NAA50: variants seen among roughly 807,000 people sequenced by gnomAD.
NAA50 encodes the protein N-alpha-acetyltransferase 50.
A neutral mutation model predicts 20.7 loss-of-function variants in NAA50; 7 were observed. The observed-to-expected ratio is 0.34, with a 90% CI of 0.19 to 0.63. The LOEUF is 0.63. Ranked by LOEUF, NAA50 falls within the 30% of genes least tolerant of loss-of-function variation. The pLI is 0.75. For missense variants in NAA50, 111 were observed against 199.1 expected (o/e 0.56, Z 2.66); for synonymous variants, 54 against 70.6 (o/e 0.77, Z 1.18).
At chr3:113,724,978 C>T (rs933242216) in intron 1 of NAA50, among the ~76,000 whole-genome samples, 3 of 152,204 alleles carry the variant, frequency 2.0e-5, no homozygotes, top group Non-Finnish European at 2.9e-5. Flanking sequence ...GTCAATTAAA[C>T]CTCTTTCCTT....
chr3:113,722,773 G>A (rs760294549), intron 4 of NAA50, 133 bp downstream of exon 4: 209 of 1,077,128 alleles, frequency 1.9e-4, no homozygotes, highest in Middle Eastern at 1.4e-3. Context: ...ACAACTACTC[G>A]AATACTTTGT....
At position 113,718,042 on chromosome 3, in the gene NAA50, T is replaced by A. The variant is rs1365108388; in HGVS notation, c.*3718A>T. The A allele has an allele frequency of 6.6e-6, 1 of 152,224 alleles. No homozygotes were observed. Among genetic ancestry groups the A allele is most frequent in the Admixed American group, 6.5e-5 (1 of 15,272 alleles). 9.4% of individuals were successfully genotyped at this position (152,224 alleles called of 1,614,324 possible). On this transcript the variant is annotated 3_prime_UTR_variant, in exon 5 of 5. Transcript: ENST00000240922. ...GTTGGTCTGTGTGACTCATGGAATA[T>A]GGCAGAAATAATGTCACCTGAGGCT...
In NAA50 at chr3:113,718,127, C is replaced by T. The variant is rs1708084517; in HGVS notation, c.*3633G>A. 1 of 152,218 alleles carries T rather than the reference C, an allele frequency of 6.6e-6. No individual in the cohort carries two copies. Among genetic ancestry groups the T allele is most frequent in the Admixed American group, 6.5e-5 (1 of 15,282 alleles). 9.4% of individuals were successfully genotyped at this position (152,218 alleles called of 1,614,324 possible). A position where few individuals can be genotyped will look rare whatever the true frequency, so the allele number is the denominator to read the frequency against. Reference sequence around the variant, plus strand: ...TTATATCACCTGCTCTAGGGGAAGCCACATACCAGTTGTCCACCAGGCAAC... The same window carrying T: ...TTATATCACCTGCTCTAGGGGAAGCTACATACCAGTTGTCCACCAGGCAAC... On this transcript the variant is annotated 3_prime_UTR_variant, in exon 5 of 5. Transcript: ENST00000240922.
intron 1 of NAA50, among the ~76,000 whole-genome samples, chr3:113,737,666 C>T (rs184522714): frequency 6.6e-6 from 1 of 152,348 alleles, no homozygotes; most frequent in East Asian, 1.9e-4. Flanking sequence ...CTAGATTTTA[C>T]AGCAGGGTTT....
chr3:113,745,910 C>A (rs748421632), intron 1 of NAA50, 32 bp downstream of exon 1: 4 of 1,600,984 alleles, frequency 2.5e-6, no homozygotes, highest in African/African-American at 1.3e-5. Context: ...TCTACCCCAC[C>A]GGCCGGGCCC....
chr3:113,725,147 G>A (rs1344944460), intron 1 of NAA50, among the ~76,000 whole-genome samples: 1 of 152,198 alleles, frequency 6.6e-6, no homozygotes, highest in Admixed American at 6.5e-5. Flanking sequence ...AAGTATCAAA[G>A]GTATTCTGCC....
chr3:113,723,601 T>C, intron 2 of NAA50, 60 bp from the exon 3 acceptor site: 1 of 1,518,290 alleles, frequency 6.6e-7, no homozygotes, highest in South Asian at 1.3e-5. Context: ...TTTAATCTTT[T>C]TCCCTTTTAA....
At chr3:113,733,281 A>G (rs2107990806) in intron 1 of NAA50, among the ~76,000 whole-genome samples, 1 of 152,278 alleles carries the variant, frequency 6.6e-6, no homozygotes, top group East Asian at 1.9e-4. Context: ...GTAATATGAG[A>G]AAACTGGGAA....
At chr3:113,722,817 A>AT in intron 4 of NAA50, 89 bp downstream of exon 4, 1 of 1,400,492 alleles carries the variant, frequency 7.1e-7, no homozygotes, top group Admixed American at 2.8e-5. Context: ...CAAAGGCACA[A>AT]TAAGTGACCA....
intron 1 of NAA50, among the ~76,000 whole-genome samples, chr3:113,744,486 G>A (rs1412548095): frequency 2.7e-5 from 4 of 150,824 alleles, no homozygotes; most frequent in Admixed American, 6.6e-5. Flanking sequence ...AAAATGAAAA[G>A]AACAAAACAA....
At position 113,717,431 on chromosome 3, in the gene NAA50, C is replaced by T. The variant is rs1708069437; in HGVS notation, c.*4329G>A. The stretch of plus-strand genomic sequence containing the variant: ...ATTTCTGCCCCAGTAACAGATCGTT[C>T]TCTGACTTAAATAATTCTCAATGTT... On this transcript the variant is annotated 3_prime_UTR_variant, in exon 5 of 5. Coordinates refer to ENST00000240922, the MANE Select transcript of NAA50 (RefSeq NM_025146.4). 6.6e-6 allele frequency: 1 copy of T among 152,142 alleles called. No individual in the cohort carries two copies. The highest frequency in any genetic ancestry group is 2.1e-4 in the South Asian group (1 of 4,822). The allele number at this position is 152,142 out of a possible 1,614,324, so 9.4% of individuals were successfully genotyped here.
At chr3:113,722,757 A>G in intron 4 of NAA50, 149 bp downstream of exon 4, 1 of 950,650 alleles carries the variant, frequency 1.1e-6, no homozygotes, top group Non-Finnish European at 1.5e-6. Context: ...AAACTAAACA[A>G]AACTAACAAC....
At position 113,746,106 on chromosome 3, in the gene NAA50, C is replaced by G; in HGVS notation, c.-157G>C. 3 of 921,270 alleles carry G rather than the reference C, an allele frequency of 3.3e-6. No individual in the cohort carries two copies. Among genetic ancestry groups the G allele is most frequent in the Non-Finnish European group, 4.8e-6 (3 of 620,042 alleles). The allele number at this position is 921,270 out of a possible 1,614,324, so 57.1% of individuals were successfully genotyped here. A position where few individuals can be genotyped will look rare whatever the true frequency, so the allele number is the denominator to read the frequency against. On this transcript the variant is annotated 5_prime_UTR_variant, in exon 1 of 5. Coordinates refer to ENST00000240922, the MANE Select transcript of NAA50 (RefSeq NM_025146.4). ...TGCGAGCAACGAAGGCCGCGAGAGT[C>G]GAGTGAGGGCTTGAGTCTGGTGGGG...
chr3:113,722,597 T>C (rs938810068), intron 4 of NAA50, among the ~76,000 whole-genome samples: 3 of 152,164 alleles, frequency 2.0e-5, no homozygotes, highest in Non-Finnish European at 4.4e-5. Flanking sequence ...CACAAGGTTT[T>C]GCATGAGAAA....
At chr3:113,745,685 C>A (rs960852371) in intron 1 of NAA50, 1 of 481,578 alleles carries the variant, frequency 2.1e-6, no homozygotes, top group Non-Finnish European at 3.7e-6. Flanking sequence ...CGCTTCTCCC[C>A]ACTCAACAAC....
chr3:113,735,160 A>C (rs114946521), intron 1 of NAA50, among the ~76,000 whole-genome samples: 314 of 152,362 alleles, frequency 2.1e-3, no homozygotes, highest in Non-Finnish European at 3.5e-3. Flanking sequence ...CTTGAATTTT[A>C]GACGTAAAAG....
intron 4 of NAA50, among the ~76,000 whole-genome samples, chr3:113,722,281 A>G (rs1196922175): frequency 6.6e-6 from 1 of 152,166 alleles, no homozygotes; most frequent in Non-Finnish European, 1.5e-5. Context: ...AAAATAAAAA[A>G]CTAGGGTCTC....
At chr3:113,724,818 C>T (rs191137340) in intron 1 of NAA50, among the ~76,000 whole-genome samples, 1 of 152,268 alleles carries the variant, frequency 6.6e-6, no homozygotes, top group African/African-American at 2.4e-5. Flanking sequence ...ATAGTGAGTT[C>T]TCACAAGATC....
chr3:113,720,564 CAAG>C lies in NAA50; in HGVS notation c.*1193_*1195del, dbSNP rs1351669259. The C allele has an allele frequency of 1.3e-5, 2 of 152,544 alleles. No individual in the cohort carries two copies. The highest frequency in any genetic ancestry group is 2.9e-5 in the Non-Finnish European group (2 of 68,004). The allele number at this position is 152,544 out of a possible 1,614,324, so 9.4% of individuals were successfully genotyped here. A position where few individuals can be genotyped will look rare whatever the true frequency, so the allele number is the denominator to read the frequency against. On this transcript the variant is annotated 3_prime_UTR_variant, in exon 5 of 5. Coordinates refer to ENST00000240922, the MANE Select transcript of NAA50 (RefSeq NM_025146.4). Reference sequence around the variant, plus strand: ...TTAACATTTTACACTTCTATTTTTCCAAGAATAGAAGCAATATGTTTAATAATT... The same window carrying C: ...TTAACATTTTACACTTCTATTTTTCCAATAGAAGCAATATGTTTAATAATT...
Sources: allele counts gnomAD v4.1 joint callset (sites outside exome capture counted in the v4.1 genomes callset), GRCh38; gene constraint gnomAD v4.1.1; transcripts MANE v1.5; gene names NCBI Gene and HGNC (gene_info 2026-07-23, HGNC 2026-07-21).